The following VPS54 variants were observed in gnomAD, a reference collection of about 807,000 sequenced individuals.
VPS54 encodes the protein vacuolar protein sorting-associated protein 54.
In VPS54, 45 loss-of-function variants were observed where a neutral mutation model predicts 121.5. That is an observed-to-expected ratio of 0.37 (90% confidence interval 0.29 to 0.47). The LOEUF (loss-of-function observed/expected upper bound fraction) is 0.47. Among genes scored for constraint, VPS54 ranks in the 20% least tolerant of loss-of-function variants. The pLI is 0.99. For missense variants in VPS54, 1,090 were observed against 1,131.4 expected, an observed-to-expected ratio of 0.96 and a Z score of 0.52; for synonymous variants, 371 against 385.8, an observed-to-expected ratio of 0.96 and a Z score of 0.45.
intron 4 of VPS54, among the ~76,000 whole-genome samples, chr2:63,970,838 A>G (rs957647231): frequency 3.3e-5 from 5 of 152,058 alleles, no homozygotes; most frequent in African/African-American, 1.2e-4. Context: ...CACTGTTCAC[A>G]TCTTCCCTGG....
intron 12 of VPS54, among the ~76,000 whole-genome samples, chr2:63,931,538 G>A (rs1674202449): frequency 6.6e-6 from 1 of 151,990 alleles, no homozygotes; most frequent in South Asian, 2.1e-4. Flanking sequence ...GTAAGACCTA[G>A]GACCATAAAA....
At chr2:64,002,894 GCTT>G (rs200876495) in intron 1 of VPS54, among the ~76,000 whole-genome samples, 1,875 of 152,206 alleles carry the variant, frequency 0.012, 17 homozygotes, top group Non-Finnish European at 0.015. Flanking sequence ...ACCATCCACA[GCTT>G]ATTATTAAAA....
At chr2:64,011,439 G>A (rs565989543) in intron 1 of VPS54, among the ~76,000 whole-genome samples, 11 of 152,170 alleles carry the variant, frequency 7.2e-5, no homozygotes, top group African/African-American at 2.4e-4. Context: ...GGTGGTGCAC[G>A]CCTGTAGTCC....
rs1672269641 is a variant in VPS54, at chr2:63,892,673, A to AGCCTTTTATATACCATT, written c.*740_*756dup. The AGCCTTTTATATACCATT allele has an allele frequency of 1.3e-5, 2 of 152,606 alleles. No individual in the cohort carries two copies. Among genetic ancestry groups the AGCCTTTTATATACCATT allele is most frequent in the African/African-American group, 4.8e-5 (2 of 41,444 alleles). The allele number at this position is 152,606 out of a possible 1,614,324, so 9.5% of individuals were successfully genotyped here. A position where few individuals can be genotyped will look rare whatever the true frequency, so the allele number is the denominator to read the frequency against. On this transcript the variant is annotated 3_prime_UTR_variant, in exon 23 of 23. Transcript: ENST00000272322. The stretch of plus-strand genomic sequence containing the variant: ...TATAAAAATACAGATATTAAACTGT[A>AGCCTTTTATATACCATT]GCCTTTTATATACCATTTCTGAAAA...
chr2:63,975,902 T>C (rs1052563202), intron 3 of VPS54, among the ~76,000 whole-genome samples: 2 of 152,148 alleles, frequency 1.3e-5, no homozygotes, highest in East Asian at 1.9e-4. Context: ...TGCGCCACCA[T>C]GCCCAGCTAA....
intron 1 of VPS54, among the ~76,000 whole-genome samples, chr2:64,006,910 C>T (rs766383091): frequency 6.6e-6 from 1 of 152,234 alleles, no homozygotes; most frequent in Admixed American, 6.5e-5. Context: ...TGAGCCACCA[C>T]GCCCGGCAAA....
At chr2:63,969,031 T>C in intron 4 of VPS54, 40 bp from the exon 5 acceptor site, 2 of 1,530,500 alleles carry the variant, frequency 1.3e-6, no homozygotes, top group Non-Finnish European at 1.8e-6. Context: ...TTAAAACTTG[T>C]TTTCATTTTA....
intron 12 of VPS54, among the ~76,000 whole-genome samples, chr2:63,925,232 C>T (rs1673842415): frequency 1.3e-5 from 2 of 152,106 alleles, no homozygotes; most frequent in African/African-American, 4.8e-5. Flanking sequence ...GGGTAAAGGC[C>T]TTGAATAGGC....
intron 1 of VPS54, among the ~76,000 whole-genome samples, chr2:64,006,629 CTT>C (rs569562947): frequency 7.4e-6 from 1 of 135,976 alleles, no homozygotes; most frequent in African/African-American, 2.8e-5. Context: ...TTATTATAAA[CTT>C]TTTTTTTTTG....
intron 1 of VPS54, among the ~76,000 whole-genome samples, chr2:63,998,468 C>T (rs1297154304): frequency 1.3e-5 from 2 of 151,964 alleles, no homozygotes; most frequent in South Asian, 2.1e-4. Flanking sequence ...CTGGTTGTTT[C>T]GTAGTCTTCT....
chr2:63,996,882 T>C (rs1181495354), intron 1 of VPS54, among the ~76,000 whole-genome samples: 1 of 152,174 alleles, frequency 6.6e-6, no homozygotes, highest in Admixed American at 6.5e-5. Flanking sequence ...CCTTGTGATA[T>C]TTTGTTGCCC....
At chr2:63,975,280 G>T in intron 3 of VPS54, 1 of 373,290 alleles carries the variant, frequency 2.7e-6, no homozygotes, top group Non-Finnish European at 4.8e-6. Flanking sequence ...CCATTCTTGG[G>T]CATAGGGTGA....
intron 7 of VPS54, among the ~76,000 whole-genome samples, chr2:63,953,704 T>C (rs1675365661): frequency 6.6e-6 from 1 of 152,136 alleles, no homozygotes; most frequent in South Asian, 2.1e-4. Flanking sequence ...GACAGATAGA[T>C]GGATGGATAG....
At chr2:63,914,859 C>G (rs911219320) in intron 16 of VPS54, among the ~76,000 whole-genome samples, 1 of 151,792 alleles carries the variant, frequency 6.6e-6, no homozygotes, top group Non-Finnish European at 1.5e-5. Flanking sequence ...TCTGGCTGGG[C>G]GCGGTGGCTC....
rs776023651 is a variant in VPS54 at position 63,984,007 on chromosome 2, A to T, written c.-8T>A. ...ACTGTGGCTTGAAGCCATTGCATAAAATCACCACTCAACTGAAAATGAGTA... is the reference window on the plus strand; with the variant it reads ...ACTGTGGCTTGAAGCCATTGCATAATATCACCACTCAACTGAAAATGAGTA... On this transcript the variant is annotated 5_prime_UTR_variant, in exon 2 of 23. Transcript: ENST00000272322. 8 of 1,600,042 alleles carry T rather than the reference A, an allele frequency of 5.0e-6. No individual in the cohort carries two copies. The highest frequency in any genetic ancestry group is 6.8e-6 in the Non-Finnish European group (8 of 1,171,126).
chr2:63,932,982 G>A (rs1020154252), intron 12 of VPS54, among the ~76,000 whole-genome samples: 1 of 152,070 alleles, frequency 6.6e-6, no homozygotes, highest in African/African-American at 2.4e-5. Flanking sequence ...CATCATGTCT[G>A]TAACCTACTG....
intron 12 of VPS54, among the ~76,000 whole-genome samples, chr2:63,922,569 A>G (rs149670153): frequency 2.2e-4 from 33 of 152,324 alleles, no homozygotes; most frequent in Admixed American, 4.6e-4. Flanking sequence ...AGGTAGGTAG[A>G]TAAATAACCA....
intron 22 of VPS54, among the ~76,000 whole-genome samples, chr2:63,895,620 ATAGT>A (rs1028484524): frequency 1.3e-5 from 2 of 152,364 alleles, no homozygotes; most frequent in South Asian, 4.1e-4. Flanking sequence ...TCACTTTAAA[ATAGT>A]TAATTTTATG....
intron 11 of VPS54, among the ~76,000 whole-genome samples, chr2:63,940,282 A>G (rs2104504700): frequency 6.6e-6 from 1 of 152,330 alleles, no homozygotes; most frequent in South Asian, 2.1e-4. Context: ...GTGAAGTAAT[A>G]CTTGACAGAA....
Sources: allele counts gnomAD v4.1 joint callset (sites outside exome capture counted in the v4.1 genomes callset), GRCh38; gene constraint gnomAD v4.1.1; transcripts MANE v1.5; gene names NCBI Gene and HGNC (gene_info 2026-07-23, HGNC 2026-07-21).